TAX1BP1: variants seen among roughly 807,000 people sequenced by gnomAD.
TAX1BP1 encodes tax1-binding protein 1.
A neutral mutation model predicts 97.7 loss-of-function variants in TAX1BP1; 62 were observed. That is an observed-to-expected ratio of 0.63 (90% confidence interval 0.52 to 0.78). The LOEUF is 0.78. Among genes scored for constraint, TAX1BP1 ranks in the 30% least tolerant of loss-of-function variants. The pLI, the probability that TAX1BP1 is intolerant of heterozygous loss-of-function variation, is 0.00. For missense variants in TAX1BP1, 867 were observed against 916.1 expected (o/e 0.95, Z 0.69); for synonymous variants, 340 against 304.2 (o/e 1.12, Z -1.23).
chr7:27,772,093 G>A (rs1788867139), intron 5 of TAX1BP1: 1 of 151,472 alleles, frequency 6.6e-6, no homozygotes. Flanking sequence ...TATTTCTGGG[G>A]ATAAAACGTG....
chr7:27,740,854 C>G (rs1003800712), intron 1 of TAX1BP1, among the ~76,000 whole-genome samples: 2 of 152,338 alleles, frequency 1.3e-5, no homozygotes, highest in Admixed American at 1.3e-4. Context: ...GCGGTTCTGG[C>G]TGATGGCCTG....
chr7:27,816,621 T>C, intron 14 of TAX1BP1, 101 bp downstream of exon 14: 2 of 1,079,600 alleles, frequency 1.9e-6, no homozygotes, highest in Non-Finnish European at 2.6e-6. Context: ...TCAACCCTAA[T>C]ACAAACATTA....
At chr7:27,773,957 A>G (rs556981852) in intron 5 of TAX1BP1, among the ~76,000 whole-genome samples, 22 of 152,238 alleles carry the variant, frequency 1.4e-4, no homozygotes, top group African/African-American at 4.6e-4. Flanking sequence ...TTCAACTTGA[A>G]TAATAAGATG....
intron 8 of TAX1BP1, among the ~76,000 whole-genome samples, chr7:27,787,862 T>C (rs556295827): frequency 1.3e-4 from 20 of 152,238 alleles, no homozygotes; most frequent in Middle Eastern, 6.8e-3. Flanking sequence ...CTAAATACTT[T>C]AGCATGTCTC....
At chr7:27,814,055 C>A (rs1405464303) in intron 13 of TAX1BP1, among the ~76,000 whole-genome samples, 1 of 150,154 alleles carries the variant, frequency 6.7e-6, no homozygotes, top group Non-Finnish European at 1.5e-5. Flanking sequence ...CTCGGCCTCC[C>A]AAAGTGCTGG....
Position 27,792,063 on chromosome 7 carries a change from A to G in TAX1BP1, c.1096A>G (p.Thr366Ala). The change falls in exon 9 of 17, where the codon ACT becomes GCT. Residue 366 changes from threonine to alanine, a missense_variant. Transcript: ENST00000396319. Reference protein sequence around the residue: ...LRKAEEQVQATRQEVVFLAKE... With the variant: ...LRKAEEQVQAARQEVVFLAKE... ...TAAAGCAGAGGAACAGGTTCAGGCA[A>G]CTCGGCAAGAAGTTGTCTTTCTGGC... 1 of 1,614,108 alleles carries G rather than the reference A, an allele frequency of 6.2e-7. No homozygotes were observed. Among genetic ancestry groups the G allele is most frequent in the Non-Finnish European group, 8.5e-7 (1 of 1,180,030 alleles).
intron 13 of TAX1BP1, among the ~76,000 whole-genome samples, chr7:27,812,601 A>G (rs1233176316): frequency 6.6e-6 from 1 of 152,064 alleles, no homozygotes; most frequent in Non-Finnish European, 1.5e-5. Context: ...TTCTTCCAAA[A>G]GGTTTGTAGT....
At chr7:27,799,787 T>C (rs1790063294) in intron 12 of TAX1BP1, among the ~76,000 whole-genome samples, 178 bp from the exon 13 acceptor site, 1 of 152,146 alleles carries the variant, frequency 6.6e-6, no homozygotes, top group African/African-American at 2.4e-5. Context: ...TACTATTTCA[T>C]TGTGTGGATA....
At chr7:27,810,225 C>T (rs572317824) in intron 13 of TAX1BP1, among the ~76,000 whole-genome samples, 8 of 147,944 alleles carry the variant, frequency 5.4e-5, no homozygotes, top group South Asian at 2.1e-4. Context: ...TTTTTTGAAT[C>T]GTGTTTGAAA....
At chr7:27,761,622 CAT>C (rs1470912833) in intron 3 of TAX1BP1, among the ~76,000 whole-genome samples, 2 of 152,178 alleles carry the variant, frequency 1.3e-5, no homozygotes, top group Admixed American at 6.5e-5. Context: ...TACTTAGCAA[CAT>C]GTGGTTAAAA....
intron 13 of TAX1BP1, among the ~76,000 whole-genome samples, chr7:27,801,308 A>G (rs967536625): frequency 1.3e-5 from 2 of 150,416 alleles, no homozygotes; most frequent in Non-Finnish European, 2.9e-5. Context: ...AATTGTATCT[A>G]TGATCTAATT....
At chr7:27,798,844 G>T (rs1762427354) in intron 12 of TAX1BP1, among the ~76,000 whole-genome samples, 1 of 150,032 alleles carries the variant, frequency 6.7e-6, no homozygotes. Context: ...TTGTGTGAGT[G>T]GTCGAATCTT....
chr7:27,776,895 T>C (rs1010257487), intron 5 of TAX1BP1, among the ~76,000 whole-genome samples: 10 of 152,030 alleles, frequency 6.6e-5, no homozygotes, highest in African/African-American at 2.4e-4. Flanking sequence ...AGTTCACTAA[T>C]CTTTTCTTTG....
intron 5 of TAX1BP1, among the ~76,000 whole-genome samples, chr7:27,777,951 G>T (rs1002655224): frequency 3.3e-5 from 5 of 152,074 alleles, no homozygotes; most frequent in African/African-American, 1.2e-4. Context: ...CTTTATCTTG[G>T]CACGATTTTA....
chr7:27,825,469 C>T (rs1338681962), intron 15 of TAX1BP1, among the ~76,000 whole-genome samples: 1 of 152,036 alleles, frequency 6.6e-6, no homozygotes, highest in African/African-American at 2.4e-5. Context: ...TGATTTCAAC[C>T]TATGCTCTGG....
chr7:27,780,711 GTGA>G (rs1156598299), intron 5 of TAX1BP1, among the ~76,000 whole-genome samples: 2 of 152,056 alleles, frequency 1.3e-5, no homozygotes, highest in Admixed American at 6.5e-5. Context: ...AATACATGGG[GTGA>G]TGATTATAAC....
chr7:27,783,792 A>G (rs1479421115), intron 5 of TAX1BP1, among the ~76,000 whole-genome samples: 3 of 152,242 alleles, frequency 2.0e-5, no homozygotes, highest in Non-Finnish European at 1.5e-5. Context: ...AACATTATTT[A>G]GAAACCTCTC....
rs972657960 is a variant in TAX1BP1, at chr7:27,749,932, T to C, written c.162+1246T>C. On this transcript the variant is annotated intron_variant, in intron 2 of 16. Transcript: ENST00000396319. ...GCAGCCTTCCAAATAGCTGGGATTA[T>C]AGACACAACACCACGCCTGGCTAAT... Among the ~76,000 whole-genome samples, 5 of 152,238 alleles carry C rather than the reference T, an allele frequency of 3.3e-5. No homozygotes were observed. In the East Asian group the frequency reaches 5.8e-4, roughly 18 times the overall value.
chr7:27,816,287 C>A, intron 13 of TAX1BP1, 62 bp from the exon 14 acceptor site: 1 of 1,261,712 alleles, frequency 7.9e-7, no homozygotes, highest in Non-Finnish European at 1.1e-6. Context: ...ATGTTTAATA[C>A]TGCTGTATTT....
Sources: allele counts gnomAD v4.1 joint callset (sites outside exome capture counted in the v4.1 genomes callset), GRCh38; gene constraint gnomAD v4.1.1; transcripts MANE v1.5; gene names NCBI Gene and HGNC (gene_info 2026-07-23, HGNC 2026-07-21).